CPSF6: variants seen among roughly 807,000 people sequenced by gnomAD.
CPSF6 encodes cleavage and polyadenylation specificity factor subunit 6.
A neutral mutation model predicts 56.7 loss-of-function variants in CPSF6; 10 were observed. That is an observed-to-expected ratio of 0.18 (90% CI 0.11 to 0.30). CPSF6 has a LOEUF of 0.30. CPSF6 is among the 10% of genes least tolerant of loss of function. CPSF6 has a pLI of 1.00. For synonymous variants in CPSF6, 248 were observed against 244.8 expected (o/e 1.01, Z -0.12); for missense variants, 419 against 722.9 (o/e 0.58, Z 4.82).
intron 1 of CPSF6, among the ~76,000 whole-genome samples, chr12:69,247,721 T>C (rs1871988331): frequency 6.6e-6 from 1 of 152,222 alleles, no homozygotes; most frequent in Admixed American, 6.5e-5. Context: ...TTTCTCACTT[T>C]ATGAAGTAAG....
chr12:69,252,046 CTG>C (rs759018329), intron 2 of CPSF6: 1 of 455,844 alleles, frequency 2.2e-6, no homozygotes, highest in South Asian at 1.5e-5. Context: ...CTTAATAACA[CTG>C]TATTTTTAAA....
In CPSF6 at chr12:69,251,155, G is replaced by A. The variant is rs374207177; in HGVS notation, c.87G>A (p.Gln29=). ...AAGCTGAATATGGTGGGCATGATCA[G>A]ATAGATTTGTATGACGATGTCATAT... is the stretch of plus-strand genomic sequence containing the variant. The part of the protein sequence containing the change: ...NQEAEYGGHD[Q]IDLYDDVISP... Residue 29 remains glutamine, a synonymous_variant, in exon 2 of 10, where the codon CAG becomes CAA. Transcript: ENST00000435070. The A allele has an allele frequency of 1.9e-6, 3 of 1,612,422 alleles. No homozygotes were observed. Among genetic ancestry groups the A allele is most frequent in the African/African-American group, 1.3e-5 (1 of 74,844 alleles).
intron 1 of CPSF6, among the ~76,000 whole-genome samples, chr12:69,243,961 G>T (rs1269685307): frequency 6.6e-6 from 1 of 152,140 alleles, no homozygotes; most frequent in Non-Finnish European, 1.5e-5. Flanking sequence ...AGTCTCCAGA[G>T]CAGCTGAGAC....
chr12:69,263,465 A>G (rs1359804673), intron 9 of CPSF6, among the ~76,000 whole-genome samples: 1 of 152,040 alleles, frequency 6.6e-6, no homozygotes, highest in African/African-American at 2.4e-5. Flanking sequence ...GGGGGAGGGC[A>G]CTATAAGGCT....
intron 1 of CPSF6, among the ~76,000 whole-genome samples, chr12:69,243,194 A>T (rs151284810): frequency 4.4e-3 from 671 of 152,370 alleles, no homozygotes; most frequent in Middle Eastern, 0.014. Flanking sequence ...CTTAGAGTAC[A>T]CTGTAGGGGA....
rs769983920 is a variant in CPSF6 at position 69,258,570 on chromosome 12, C to G, written c.695-20C>G. Reference sequence around the variant, plus strand: ...ATTAGTGAAGTGTTTTTTTTTCTCTCTTTCTCCTTTGTTTTTTAGCTGGAC... The same window carrying G: ...ATTAGTGAAGTGTTTTTTTTTCTCTGTTTCTCCTTTGTTTTTTAGCTGGAC... On this transcript the variant is annotated intron_variant, in intron 5 of 9. Coordinates refer to ENST00000435070, the MANE Select transcript of CPSF6 (RefSeq NM_007007.3). The surrounding 1 kb of genome is among the most constrained non-coding windows in gnomAD (Gnocchi z 4.2). 1.3e-6 allele frequency: 2 copies of G among 1,538,158 alleles called. No homozygotes were observed. Among genetic ancestry groups the G allele is most frequent in the Admixed American group, 2.2e-5 (1 of 46,090 alleles).
At position 69,259,551 on chromosome 12, in the gene CPSF6, T is replaced by C; in HGVS notation, c.1315+8T>C. ...TGTCTGATGCCAGTGCTGGTTTGTG[T>C]ATTTCTTGTATTAATATTTCTTATT... On this transcript the variant is annotated splice_region_variant and intron_variant, in intron 7 of 9. Transcript: ENST00000435070. The C allele has an allele frequency of 6.3e-7, 1 of 1,595,124 alleles. No individual in the cohort carries two copies. Among genetic ancestry groups the C allele is most frequent in the Non-Finnish European group, 8.5e-7 (1 of 1,172,750 alleles).
chr12:69,271,600 T>C lies in CPSF6; in HGVS notation c.*2092T>C, dbSNP rs1873245312. On this transcript the variant is annotated 3_prime_UTR_variant, in exon 10 of 10. Transcript: ENST00000435070. The stretch of plus-strand genomic sequence containing the variant: ...CTTCTCCTTGCTTGGCTGATCTCAT[T>C]ACATGACTTTCGTTACAGACAGTGT... 2 of 151,882 alleles carry C rather than the reference T, an allele frequency of 1.3e-5. No individual in the cohort carries two copies. Among genetic ancestry groups the C allele is most frequent in the African/African-American group, 2.4e-5 (1 of 41,536 alleles). 9.4% of individuals were successfully genotyped at this position (151,882 alleles called of 1,614,324 possible).
chr12:69,252,221 G>A, intron 2 of CPSF6: 1 of 373,150 alleles, frequency 2.7e-6, no homozygotes, highest in Non-Finnish European at 5.2e-6. Flanking sequence ...CCACAGGCAT[G>A]TGTCACTCTG....
chr12:69,268,311 C>CTA (rs951839065), intron 9 of CPSF6, among the ~76,000 whole-genome samples: 2 of 151,450 alleles, frequency 1.3e-5, no homozygotes, highest in African/African-American at 2.4e-5. Context: ...CATATAGAAA[C>CTA]TATATATATA....
chr12:69,248,190 G>A (rs1431308033), intron 1 of CPSF6, among the ~76,000 whole-genome samples: 3 of 152,160 alleles, frequency 2.0e-5, no homozygotes, highest in African/African-American at 7.2e-5. Context: ...TAAATTTTTT[G>A]TCTACTTATG....
chr12:69,252,242 T>C (rs550981068), intron 2 of CPSF6: 1 of 256,020 alleles, frequency 3.9e-6, no homozygotes, highest in Non-Finnish European at 7.0e-6. Context: ...CCTGGCTAAT[T>C]AAAAACAAAA....
chr12:69,249,912 G>A (rs1002674121), intron 1 of CPSF6, among the ~76,000 whole-genome samples: 5 of 151,950 alleles, frequency 3.3e-5, no homozygotes, highest in Non-Finnish European at 7.4e-5. Context: ...AATTCTGCTG[G>A]TGACAGTGCC....
At chr12:69,261,412 A>T (rs1204555364) in intron 8 of CPSF6, among the ~76,000 whole-genome samples, 1 of 151,436 alleles carries the variant, frequency 6.6e-6, no homozygotes, top group Admixed American at 6.6e-5. Flanking sequence ...AAAAAATTTT[A>T]AAAATATCTG....
At chr12:69,264,690 T>A (rs941084559) in intron 9 of CPSF6, among the ~76,000 whole-genome samples, 4 of 152,098 alleles carry the variant, frequency 2.6e-5, no homozygotes, top group African/African-American at 9.7e-5. Context: ...GTGCAAAAAA[T>A]TCTGTTATCC....
In CPSF6 at chr12:69,262,356, G is replaced by C. The variant is rs1366728607; in HGVS notation, c.1470-17G>C. ...TCTAATTATGGAGAGCATTAATCCA[G>C]TAATTTCTTTTAGAAGACGTGAACG... On this transcript the variant is annotated splice_polypyrimidine_tract_variant and intron_variant, in intron 8 of 9. Transcript: ENST00000435070. 2 of 1,559,898 alleles carry C rather than the reference G, an allele frequency of 1.3e-6. No individual in the cohort carries two copies. The highest frequency in any genetic ancestry group is 1.7e-6 in the Non-Finnish European group (2 of 1,148,368).
chr12:69,251,292 C>T lies in CPSF6; in HGVS notation c.224C>T (p.Thr75Ile). Reference protein sequence around the residue: ...GKGAAPNVVYTYTGKRIALYI... With the variant: ...GKGAAPNVVYIYTGKRIALYI... Reference sequence around the variant, plus strand: ...GGAGCAGCACCAAATGTTGTCTATACATATACTGGAAAGAGAATTGCATTA... The same window carrying T: ...GGAGCAGCACCAAATGTTGTCTATATATATACTGGAAAGAGAATTGCATTA... Residue 75 changes from threonine to isoleucine, a missense_variant, in exon 2 of 10, where the codon ACA becomes ATA. Physicochemically the swap from Thr to Ile is moderately conservative, Grantham distance 89 (BLOSUM62 -1). This residue lies in a region of CPSF6 where 125 missense variants were observed against 216.4 expected (regional missense o/e 0.58). Transcript: ENST00000435070. 1 of 1,595,790 alleles carries T rather than the reference C, an allele frequency of 6.3e-7. No homozygotes were observed. The highest frequency in any genetic ancestry group is 8.6e-7 in the Non-Finnish European group (1 of 1,164,718).
At chr12:69,259,349 T>A in intron 6 of CPSF6, 79 bp from the exon 7 acceptor site, 1 of 1,505,944 alleles carries the variant, frequency 6.6e-7, no homozygotes, top group Non-Finnish European at 8.9e-7. Flanking sequence ...AAGCAGCTAG[T>A]ATGAATTGCT....
At position 69,258,714 on chromosome 12, in the gene CPSF6, T is replaced by G. The variant is rs771429557; in HGVS notation, c.819T>G (p.Pro273=). 1 of 1,614,066 alleles carries G rather than the reference T, an allele frequency of 6.2e-7. No individual in the cohort carries two copies. Among genetic ancestry groups the G allele is most frequent in the Non-Finnish European group, 8.5e-7 (1 of 1,180,004 alleles). Residue 273 remains proline, a synonymous_variant, in exon 6 of 10, where the codon CCT becomes CCG. Coordinates refer to ENST00000435070, the MANE Select transcript of CPSF6 (RefSeq NM_007007.3). This position sits in a 1 kb window ranked among gnomAD's most constrained non-coding sequence, Gnocchi z 4.2. The part of the protein sequence containing the change: ...LAGPPNRGDR[P]PPPVLFPGQP... ...GGCCTCCTAATCGAGGAGATCGCCC[T>G]CCACCACCAGTTCTTTTTCCTGGAC...
Sources: gnomAD v4.1 joint callset for allele counts (sites outside exome capture counted in the v4.1 genomes callset) on GRCh38, gnomAD v4.1.1 for gene constraint, gnomAD v4.1.1 regional missense constraint, Gnocchi (gnomAD v3.1) non-coding constraint, MANE v1.5 for transcripts, NCBI Gene and HGNC (gene_info 2026-07-23, HGNC 2026-07-21) for gene names.